USP15: variants seen among roughly 807,000 people sequenced by gnomAD.
USP15 encodes ubiquitin carboxyl-terminal hydrolase 15.
In USP15, 18 loss-of-function variants were observed where a neutral mutation model predicts 127.1. The ratio of observed to expected loss-of-function variants is 0.14; its 90% CI spans 0.10 to 0.21. The LOEUF (loss-of-function observed/expected upper bound fraction) is 0.21. USP15 is among the 10% of genes least tolerant of loss of function. The pLI is 1.00. For missense variants in USP15, 805 were observed against 1,159.9 expected (o/e 0.69, Z 4.44); for synonymous variants, 364 against 393.7 (o/e 0.92, Z 0.89).
intron 1 of USP15, among the ~76,000 whole-genome samples, chr12:62,285,741 A>G (rs1284229644): frequency 6.6e-6 from 1 of 152,224 alleles, no homozygotes; most frequent in Non-Finnish European, 1.5e-5. Context: ...GTGCTGTGAT[A>G]AACATACAAG....
At position 62,411,770 on chromosome 12, in the gene USP15, G is replaced by C. The variant is rs989512164; in HGVS notation, c.*7395G>C. 1 of 152,202 alleles carries C rather than the reference G, an allele frequency of 6.6e-6. No individual in the cohort carries two copies. The highest frequency in any genetic ancestry group is 1.9e-4 in the East Asian group (1 of 5,196). 9.4% of individuals were successfully genotyped at this position (152,202 alleles called of 1,614,324 possible). On this transcript the variant is annotated 3_prime_UTR_variant, in exon 22 of 22. Coordinates refer to ENST00000280377, the MANE Select transcript of USP15 (RefSeq NM_001252078.2). ...AGGGTACCAGTATACTGGGTTTCTGGTGAGGGTGCCTTTCCTGGCTTACAG... is the reference window on the plus strand; with the variant it reads ...AGGGTACCAGTATACTGGGTTTCTGCTGAGGGTGCCTTTCCTGGCTTACAG...
chr12:62,294,137 A>T, intron 1 of USP15, 42 bp from the exon 2 acceptor site: 1 of 1,600,136 alleles, frequency 6.2e-7, no homozygotes, highest in Non-Finnish European at 8.5e-7. Flanking sequence ...CTGTTCCTGT[A>T]TTTTCAGGTA....
chr12:62,401,594 C>G (rs2067690293), intron 21 of USP15, among the ~76,000 whole-genome samples: 1 of 151,816 alleles, frequency 6.6e-6, no homozygotes, highest in African/African-American at 2.4e-5. Context: ...ACATTGAGTA[C>G]TTAAAGCCAG....
intron 1 of USP15, among the ~76,000 whole-genome samples, chr12:62,290,558 C>T (rs1383768157): frequency 1.3e-5 from 2 of 152,056 alleles, no homozygotes; most frequent in Non-Finnish European, 2.9e-5. Context: ...TTTCTAAATT[C>T]GTCCTGCCAA....
At chr12:62,322,812 A>G (rs981146548) in intron 5 of USP15, among the ~76,000 whole-genome samples, 2 of 151,972 alleles carry the variant, frequency 1.3e-5, no homozygotes, top group Admixed American at 1.3e-4. Context: ...CCATCTCTAG[A>G]TTATCTTTGT....
intron 8 of USP15, among the ~76,000 whole-genome samples, chr12:62,375,858 T>G (rs1230620498): frequency 6.6e-6 from 1 of 152,126 alleles, no homozygotes; most frequent in Non-Finnish European, 1.5e-5. Flanking sequence ...TAGCAGTCAT[T>G]TCTCACTAAA....
At chr12:62,286,516 C>T (rs1008646266) in intron 1 of USP15, among the ~76,000 whole-genome samples, 5 of 152,000 alleles carry the variant, frequency 3.3e-5, no homozygotes, top group Non-Finnish European at 7.4e-5. Flanking sequence ...CTCAGCAGTC[C>T]CATTACTAGA....
chr12:62,404,066 GACCA>G, intron 21 of USP15, 123 bp from the exon 22 acceptor site: 1 of 742,276 alleles, frequency 1.3e-6, no homozygotes, highest in Non-Finnish European at 1.8e-6. Flanking sequence ...ACTTCCATTT[GACCA>G]TGCATGGTTT....
At position 62,340,300 on chromosome 12, in the gene USP15, GTCTA is replaced by G. The variant is rs377377304; in HGVS notation, c.684-8915_684-8912del. ...TTATTCTTCATTAGTCTAGCTAGCA[GTCTA>G]TCTATTTTATTTTTTTCCAAAAAAC... On this transcript the variant is annotated intron_variant, in intron 6 of 21. Transcript: ENST00000280377. Among the ~76,000 whole-genome samples the G allele has an allele frequency of 3.9e-3, 596 of 152,112 alleles. 5 individuals are homozygous for G. Among genetic ancestry groups the G allele is most frequent in the African/African-American group, 0.013 (528 of 41,502 alleles).
At chr12:62,321,101 C>T (rs1450815157) in intron 4 of USP15, among the ~76,000 whole-genome samples, 1 of 152,036 alleles carries the variant, frequency 6.6e-6, no homozygotes, top group Admixed American at 6.6e-5. Context: ...TCTGTAACAT[C>T]TCTTAATCAT....
chr12:62,265,739 A>C (rs968408107), intron 1 of USP15, among the ~76,000 whole-genome samples: 10 of 152,018 alleles, frequency 6.6e-5, no homozygotes, highest in Admixed American at 2.0e-4. Flanking sequence ...TGGAGACGGG[A>C]TCTTACTGTG....
chr12:62,309,962 G>A (rs2137230606), intron 3 of USP15, among the ~76,000 whole-genome samples: 1 of 151,914 alleles, frequency 6.6e-6, no homozygotes, highest in Admixed American at 6.6e-5. Context: ...TAGCCAGTAT[G>A]GTAATATAGT....
At chr12:62,282,336 A>T (rs931258652) in intron 1 of USP15, among the ~76,000 whole-genome samples, 13 of 152,152 alleles carry the variant, frequency 8.5e-5, no homozygotes, top group Admixed American at 3.9e-4. Context: ...TCTCCAAAAA[A>T]AAATAAATAA....
intron 1 of USP15, among the ~76,000 whole-genome samples, chr12:62,279,901 C>G (rs1446757963): frequency 1.3e-5 from 2 of 152,144 alleles, no homozygotes; most frequent in East Asian, 3.9e-4. Flanking sequence ...ATATGTGAGT[C>G]TGGCTCTTAT....
At chr12:62,293,234 C>G (rs1323871094) in intron 1 of USP15, among the ~76,000 whole-genome samples, 3 of 152,188 alleles carry the variant, frequency 2.0e-5, no homozygotes, top group African/African-American at 7.2e-5. Context: ...TCCCTTGGGG[C>G]TCCCAGCCAC....
chr12:62,309,786 TAATCTC>T (rs2064601745), intron 3 of USP15, among the ~76,000 whole-genome samples: 1 of 151,496 alleles, frequency 6.6e-6, no homozygotes, highest in African/African-American at 2.4e-5. Flanking sequence ...AGGAGAAAAA[TAATCTC>T]AATAGAGATA....
At chr12:62,309,303 T>C (rs2064586475) in intron 3 of USP15, among the ~76,000 whole-genome samples, 1 of 152,140 alleles carries the variant, frequency 6.6e-6, no homozygotes, top group African/African-American at 2.4e-5. Flanking sequence ...AACAGTTTTA[T>C]GTAAATTTGA....
intron 1 of USP15, chr12:62,278,576 A>G (rs1337712080): frequency 6.6e-6 from 1 of 152,178 alleles, no homozygotes; most frequent in South Asian, 2.1e-4. Context: ...TAGGTACATT[A>G]TGGTGTATGG....
intron 7 of USP15, among the ~76,000 whole-genome samples, chr12:62,352,118 A>G (rs2065984280): frequency 6.6e-6 from 1 of 151,818 alleles, no homozygotes; most frequent in African/African-American, 2.4e-5. Flanking sequence ...TAAAATCAAT[A>G]GTTTATGAAA....
Sources: allele counts gnomAD v4.1 joint callset (sites outside exome capture counted in the v4.1 genomes callset), GRCh38; gene constraint gnomAD v4.1.1; transcripts MANE v1.5; gene names NCBI Gene and HGNC (gene_info 2026-07-23, HGNC 2026-07-21).